PTPRO: variants seen among roughly 807,000 people sequenced by gnomAD.
PTPRO encodes the protein receptor-type tyrosine-protein phosphatase O.
PTPRO carries 62 observed loss-of-function variants against 145.2 expected under a neutral mutation model. That is an observed-to-expected ratio of 0.43 (90% CI 0.35 to 0.53). The LOEUF is 0.53. Ranked by LOEUF, PTPRO falls within the 20% of genes least tolerant of loss-of-function variation. The pLI is 0.01. For synonymous variants in PTPRO, 565 were observed against 514.7 expected, an observed-to-expected ratio of 1.10 and a Z score of -1.32; for missense variants, 1,345 against 1,482.7, an observed-to-expected ratio of 0.91 and a Z score of 1.53.
intron 23 of PTPRO, among the ~76,000 whole-genome samples, chr12:15,584,055 C>T (rs745321279): frequency 6.6e-6 from 1 of 152,144 alleles, no homozygotes; most frequent in Non-Finnish European, 1.5e-5. Context: ...GCTTGGACAC[C>T]GTTAGCCCAT....
At chr12:15,486,873 T>C (rs1941899250) in intron 2 of PTPRO, among the ~76,000 whole-genome samples, 1 of 152,006 alleles carries the variant, frequency 6.6e-6, no homozygotes, top group Non-Finnish European at 1.5e-5. Context: ...ATGGTTGAAT[T>C]TGAATTTACC....
chr12:15,522,977 A>T (rs900796885), intron 10 of PTPRO, among the ~76,000 whole-genome samples: 2 of 152,370 alleles, frequency 1.3e-5, no homozygotes, highest in Non-Finnish European at 2.9e-5. Flanking sequence ...ATGTTGGAAT[A>T]TATTAGGAGG....
At chr12:15,474,306 C>T (rs913139977) in intron 1 of PTPRO, among the ~76,000 whole-genome samples, 12 of 152,134 alleles carry the variant, frequency 7.9e-5, no homozygotes, top group African/African-American at 2.9e-4. Context: ...GTGTTATTCT[C>T]CTCTTTAGTG....
chr12:15,464,719 T>C (rs1163185423), intron 1 of PTPRO, among the ~76,000 whole-genome samples: 1 of 152,064 alleles, frequency 6.6e-6, no homozygotes, highest in African/African-American at 2.4e-5. Flanking sequence ...ATATTTTGTT[T>C]GTTGTAACCT....
chr12:15,579,020 C>T (rs1182446222), intron 20 of PTPRO, 77 bp downstream of exon 20: 1 of 1,317,392 alleles, frequency 7.6e-7, no homozygotes. Flanking sequence ...ATCAATTTCA[C>T]CAATCTCTGG....
intron 1 of PTPRO, among the ~76,000 whole-genome samples, chr12:15,425,209 T>A (rs1031734284): frequency 1.4e-4 from 22 of 152,198 alleles, no homozygotes; most frequent in Non-Finnish European, 1.5e-5. Flanking sequence ...TTTTACCCCA[T>A]ACACAAGGTT....
intron 1 of PTPRO, among the ~76,000 whole-genome samples, chr12:15,352,445 T>C (rs968902919): frequency 1.3e-5 from 2 of 151,936 alleles, no homozygotes; most frequent in East Asian, 3.9e-4. Context: ...GGTCAGGAGA[T>C]CTAGACCATC....
intron 25 of PTPRO, among the ~76,000 whole-genome samples, chr12:15,592,038 G>A (rs1051765438): frequency 2.0e-5 from 3 of 151,960 alleles, no homozygotes; most frequent in Admixed American, 6.6e-5. Context: ...CTTGATTCCC[G>A]CAGGACTTCC....
intron 12 of PTPRO, among the ~76,000 whole-genome samples, chr12:15,526,863 TA>T (rs951689554): frequency 1.3e-5 from 2 of 152,044 alleles, no homozygotes; most frequent in African/African-American, 4.8e-5. Context: ...TAGTCCTTCA[TA>T]TAAGAAGTAT....
At chr12:15,335,088 T>C (rs1420372367) in intron 1 of PTPRO, among the ~76,000 whole-genome samples, 1 of 152,100 alleles carries the variant, frequency 6.6e-6, no homozygotes, top group African/African-American at 2.4e-5. Flanking sequence ...TTTGATATTG[T>C]GCTGATAACT....
intron 1 of PTPRO, among the ~76,000 whole-genome samples, chr12:15,356,938 A>G (rs1433922722): frequency 2.0e-5 from 3 of 152,072 alleles, no homozygotes; most frequent in Non-Finnish European, 4.4e-5. Flanking sequence ...TCAATGCTGT[A>G]GATAATTGCT....
intron 1 of PTPRO, among the ~76,000 whole-genome samples, chr12:15,435,344 G>A (rs1221035638): frequency 6.6e-6 from 1 of 152,054 alleles, no homozygotes; most frequent in Admixed American, 6.5e-5. Context: ...TAAAGCAAAG[G>A]AAAAGTATAA....
In PTPRO at chr12:15,520,280, G is replaced by T; in HGVS notation, c.1859G>T (p.Cys620Phe). 1 of 1,613,578 alleles carries T rather than the reference G, an allele frequency of 6.2e-7. No individual in the cohort carries two copies. The highest frequency in any genetic ancestry group is 8.5e-7 in the Non-Finnish European group (1 of 1,179,636). ...MVTWGDPELS[C>F]CDSSTISFIT... Reference sequence around the variant, plus strand: ...ACGTGGGGAGATCCAGAATTGAGCTGCTGTGACAGCTCTACCATCAGCTTC... The same window carrying T: ...ACGTGGGGAGATCCAGAATTGAGCTTCTGTGACAGCTCTACCATCAGCTTC... The change falls in exon 10 of 27, where the codon TGC becomes TTC. Residue 620 changes from cysteine (C) to phenylalanine (F), a missense_variant. By Grantham distance (205) the Cys-to-Phe change is radical. Transcript: ENST00000281171.
intron 1 of PTPRO, among the ~76,000 whole-genome samples, chr12:15,453,708 T>C (rs1466612653): frequency 1.3e-5 from 2 of 152,164 alleles, no homozygotes; most frequent in Non-Finnish European, 2.9e-5. Flanking sequence ...ACTGAAACTT[T>C]ATAGCCTTTA....
chr12:15,402,653 T>C (rs1004429705), intron 1 of PTPRO, among the ~76,000 whole-genome samples: 1 of 152,118 alleles, frequency 6.6e-6, no homozygotes, highest in Non-Finnish European at 1.5e-5. Context: ...TTGTTCAAAT[T>C]TTATAAATTC....
intron 12 of PTPRO, among the ~76,000 whole-genome samples, chr12:15,527,225 G>T (rs1942858561): frequency 1.3e-5 from 2 of 152,208 alleles, no homozygotes. Flanking sequence ...ACTCTGGGCA[G>T]ATGGTAGGAG....
In PTPRO at chr12:15,516,857, AT is replaced by A; in HGVS notation, c.1681del (p.Tyr561ThrfsTer13). ...TRPYLGVFRK[Y>X]VVEMFYFNPA... The stretch of plus-strand genomic sequence containing the variant: ...GACCTTATTTAGGCGTGTTCAGAAA[AT>A]ACGTGGTTGAAATGTTTTATTTCAA... On this transcript the variant is annotated frameshift_variant, in exon 9 of 27. Coordinates refer to ENST00000281171, the MANE Select transcript of PTPRO (RefSeq NM_030667.3). LOFTEE classifies it high-confidence loss of function. 1 of 1,612,830 alleles carries A rather than the reference AT, an allele frequency of 6.2e-7. No individual in the cohort carries two copies. Among genetic ancestry groups the A allele is most frequent in the South Asian group, 1.1e-5 (1 of 91,050 alleles).
At chr12:15,446,828 A>C (rs1354476982) in intron 1 of PTPRO, among the ~76,000 whole-genome samples, 1 of 152,040 alleles carries the variant, frequency 6.6e-6, no homozygotes, top group African/African-American at 2.4e-5. Flanking sequence ...CTCAAAATTC[A>C]TCTCACTGTG....
rs547434961 is a variant in PTPRO, at chr12:15,526,445, G to A, written c.2164+183G>A. Among the ~76,000 whole-genome samples, 37 of 152,308 alleles carry A rather than the reference G, an allele frequency of 2.4e-4. No homozygotes were observed. The South Asian group carries it at 5.6e-3, about 23-fold the overall frequency. The stretch of plus-strand genomic sequence containing the variant: ...ACTTGGTACAAGTTTCTGTGAGTGG[G>A]TTGTATACTGTTCTGGGAAACAGTG... On this transcript the variant is annotated intron_variant, in intron 12 of 26. Transcript: ENST00000281171.
Sources: gnomAD v4.1 joint callset for allele counts (sites outside exome capture counted in the v4.1 genomes callset) on GRCh38, gnomAD v4.1.1 for gene constraint, MANE v1.5 for transcripts, NCBI Gene and HGNC (gene_info 2026-07-23, HGNC 2026-07-21) for gene names.